ABCA12: variants seen among roughly 807,000 people sequenced by gnomAD.
The protein encoded by ABCA12 is glucosylceramide transporter ABCA12.
In ABCA12, 156 loss-of-function variants were observed where a neutral mutation model predicts 293.5. That is an observed-to-expected ratio of 0.53 (90% CI 0.47 to 0.61). ABCA12 has a LOEUF of 0.61. Ranked by LOEUF, ABCA12 falls within the 20% of genes least tolerant of loss-of-function variation. The pLI is 0.00. For missense variants in ABCA12, 2,797 were observed against 3,090.2 expected, an observed-to-expected ratio of 0.91 and a Z score of 2.25; for synonymous variants, 1,063 against 1,108.0, an observed-to-expected ratio of 0.96 and a Z score of 0.81.
intron 7 of ABCA12, among the ~76,000 whole-genome samples, chr2:215,044,176 C>G (rs1251011069): frequency 6.6e-6 from 1 of 152,002 alleles, no homozygotes; most frequent in East Asian, 1.9e-4. Context: ...GATAAATACC[C>G]AAGAGTAGAA....
intron 23 of ABCA12, among the ~76,000 whole-genome samples, chr2:214,993,245 T>C (rs949444424): frequency 6.6e-6 from 1 of 152,186 alleles, no homozygotes; most frequent in Non-Finnish European, 1.5e-5. Flanking sequence ...TCCAAGGCCC[T>C]GTCACCATTT....
intron 16 of ABCA12, 152 bp from the exon 17 acceptor site, chr2:215,011,801 A>G: frequency 8.7e-7 from 1 of 1,153,374 alleles, no homozygotes; most frequent in East Asian, 2.4e-5. Context: ...ATGAAGAACA[A>G]TAAACTTCAC....
chr2:214,948,514 G>C, intron 47 of ABCA12, 82 bp downstream of exon 47: 1 of 1,428,670 alleles, frequency 7.0e-7, no homozygotes, highest in Non-Finnish European at 9.6e-7. Flanking sequence ...GGGCAGGGGG[G>C]ACAGTGGGTG....
chr2:215,014,263 G>A (rs2106005545), intron 15 of ABCA12, among the ~76,000 whole-genome samples: 1 of 152,222 alleles, frequency 6.6e-6, no homozygotes, highest in African/African-American at 2.4e-5. Context: ...AATAGGAAAA[G>A]GGGATTTGAG....
intron 2 of ABCA12, among the ~76,000 whole-genome samples, chr2:215,065,297 T>TAAAAAAAAAAA (rs66466863): frequency 2.2e-5 from 1 of 45,138 alleles, no homozygotes; most frequent in African/African-American, 8.8e-5. Context: ...CATGAATGTG[T>TAAAAAAAAAAA]AAAAAAAAAA....
rs763512395 is a variant in ABCA12 at position 215,031,362 on chromosome 2, C to T, written c.1061+459G>A. Among the ~76,000 whole-genome samples the T allele has an allele frequency of 8.3e-4, 126 of 152,126 alleles. 1 individual carries two copies. The highest frequency in any genetic ancestry group is 1.6e-4 in the Non-Finnish European group (11 of 68,048). The stretch of plus-strand genomic sequence containing the variant: ...TATGGTATGAATGAGTATGTTCTCC[C>T]GAAATTCGTATGTTGAACTCCTAAC... On this transcript the variant is annotated intron_variant, in intron 9 of 52. Transcript: ENST00000272895.
intron 7 of ABCA12, 146 bp from the exon 8 acceptor site, chr2:215,037,211 T>C (rs1312789248): frequency 1.2e-5 from 8 of 684,712 alleles, no homozygotes; most frequent in Middle Eastern, 3.8e-4. Flanking sequence ...TTTAATTACT[T>C]GTTTGTCTGT....
At chr2:215,070,498 A>C (rs1233123930) in intron 2 of ABCA12, among the ~76,000 whole-genome samples, 1 of 151,358 alleles carries the variant, frequency 6.6e-6, no homozygotes, top group Non-Finnish European at 1.5e-5. Flanking sequence ...TCAGTCATTT[A>C]GCATTAGGTA....
chr2:214,961,938 C>T (rs1404153520), intron 39 of ABCA12: 1 of 152,168 alleles, frequency 6.6e-6, no homozygotes, highest in African/African-American at 2.4e-5. Context: ...ATCTGGCATA[C>T]ACTATGATGC....
chr2:215,055,437 G>A (rs1314579531), intron 3 of ABCA12, among the ~76,000 whole-genome samples: 1 of 151,984 alleles, frequency 6.6e-6, no homozygotes, highest in African/African-American at 2.4e-5. Flanking sequence ...TTGAAAACTG[G>A]ATGTATCTAA....
chr2:215,116,000 C>A (rs1271977131), intron 1 of ABCA12, among the ~76,000 whole-genome samples: 12 of 152,228 alleles, frequency 7.9e-5, no homozygotes, highest in East Asian at 3.9e-4. Context: ...GTAGAAATAT[C>A]CCCCATTAGG....
Position 215,007,721 on chromosome 2 carries a change from T to A in ABCA12, c.2592+6A>T. On this transcript the variant is annotated splice_donor_region_variant and intron_variant, in intron 19 of 52. Transcript: ENST00000272895. Reference sequence around the variant, plus strand: ...TACTAAGTTGAATGACAGAAGCATCTCATACCTGGAGCATTGGAATTGCCT... The same window carrying A: ...TACTAAGTTGAATGACAGAAGCATCACATACCTGGAGCATTGGAATTGCCT... 6.2e-7 allele frequency: 1 copy of A among 1,613,936 alleles called. No individual in the cohort carries two copies. Among genetic ancestry groups the A allele is most frequent in the Non-Finnish European group, 8.5e-7 (1 of 1,179,918 alleles).
chr2:215,024,313 CT>C lies in ABCA12; in HGVS notation c.1287+1359del, dbSNP rs202047038. Among the ~76,000 whole-genome samples, 674 of 152,208 alleles carry C rather than the reference CT, an allele frequency of 4.4e-3. 6 individuals carry two copies. Among genetic ancestry groups the C allele is most frequent in the African/African-American group, 0.014 (570 of 41,526 alleles). ...TCCTCCAATGGATTGACAATAAGCA[CT>C]TTGGGGTAAGAGGCTATGTCTTACA... On this transcript the variant is annotated intron_variant, in intron 11 of 52. Coordinates refer to ENST00000272895, the MANE Select transcript of ABCA12 (RefSeq NM_173076.3).
chr2:214,934,251 T>C (rs753278596), intron 51 of ABCA12, 36 bp from the exon 52 acceptor site: 18 of 1,611,790 alleles, frequency 1.1e-5, no homozygotes, highest in Admixed American at 1.7e-5. Flanking sequence ...TATTTTGCAA[T>C]GTCTGGTAAT....
chr2:215,092,290 G>C (rs561078203), intron 2 of ABCA12, among the ~76,000 whole-genome samples: 1 of 152,174 alleles, frequency 6.6e-6, no homozygotes, highest in Non-Finnish European at 1.5e-5. Flanking sequence ...TGCCAATTTG[G>C]ACAATATTCT....
intron 2 of ABCA12, among the ~76,000 whole-genome samples, chr2:215,101,350 ACT>A (rs1217248634): frequency 6.6e-6 from 1 of 151,922 alleles, no homozygotes; most frequent in African/African-American, 2.4e-5. Flanking sequence ...CAAAATTTAA[ACT>A]CTCTGGTCCT....
At chr2:215,076,680 A>C (rs571344996) in intron 2 of ABCA12, among the ~76,000 whole-genome samples, 37 of 152,238 alleles carry the variant, frequency 2.4e-4, no homozygotes, top group Non-Finnish European at 5.0e-4. Flanking sequence ...AAAAGGAGAC[A>C]TATAAAAGAA....
At chr2:215,083,270 G>A (rs1701978322) in intron 2 of ABCA12, among the ~76,000 whole-genome samples, 1 of 152,194 alleles carries the variant, frequency 6.6e-6, no homozygotes, top group Non-Finnish European at 1.5e-5. Flanking sequence ...TCACCCAGAA[G>A]AGAACAGGTG....
In ABCA12 at chr2:215,026,812, A is replaced by C; in HGVS notation, c.1180+8T>G. The C allele has an allele frequency of 6.3e-7, 1 of 1,579,714 alleles. No homozygotes were observed. The highest frequency in any genetic ancestry group is 8.7e-7 in the Non-Finnish European group (1 of 1,148,766). ...GAGCAGCATTTTGACTGTTAAGAAC[A>C]GTATTACCTGGTGAACCTCTGGCCA... On this transcript the variant is annotated splice_region_variant and intron_variant, in intron 10 of 52. Coordinates refer to ENST00000272895, the MANE Select transcript of ABCA12 (RefSeq NM_173076.3).
Sources: allele counts gnomAD v4.1 joint callset (sites outside exome capture counted in the v4.1 genomes callset), GRCh38; gene constraint gnomAD v4.1.1; transcripts MANE v1.5; gene names NCBI Gene and HGNC (gene_info 2026-07-23, HGNC 2026-07-21).